The following RIMS2 variants were observed in gnomAD, a reference collection of about 807,000 sequenced individuals.
RIMS2 encodes the protein regulating synaptic membrane exocytosis protein 2.
RIMS2 carries 59 observed loss-of-function variants against 174.4 expected under a neutral mutation model. The ratio of observed to expected loss-of-function variants is 0.34; its 90% CI spans 0.27 to 0.42. The LOEUF (loss-of-function observed/expected upper bound fraction) is 0.42. RIMS2 is among the 10% of genes least tolerant of loss of function. The pLI is 1.00. For synonymous variants in RIMS2, 606 were observed against 572.5 expected (o/e 1.06, Z -0.84); for missense variants, 1,620 against 1,666.3 (o/e 0.97, Z 0.48).
At position 104,018,988 on chromosome 8, in the gene RIMS2, A is replaced by C. The variant is rs116806008; in HGVS notation, c.3334+4373A>C. Among the ~76,000 whole-genome samples, 1,181 of 152,232 alleles carry C rather than the reference A, an allele frequency of 7.8e-3. 16 individuals are homozygous for C. The highest frequency in any genetic ancestry group is 0.027 in the African/African-American group (1,114 of 41,528). On this transcript the variant is annotated intron_variant, in intron 19 of 23. Coordinates refer to ENST00000504942, the Ensembl canonical transcript of RIMS2. The stretch of plus-strand genomic sequence containing the variant: ...TTAATGTTCTTGAAAGGATTTTAAA[A>C]CTTAAAAGATCCCAGCCTGGCCAAC...
chr8:104,155,779 G>A (rs1422890989), intron 19 of RIMS2, among the ~76,000 whole-genome samples: 6 of 152,068 alleles, frequency 3.9e-5, no homozygotes, highest in African/African-American at 9.7e-5. Context: ...AGATTCTTGC[G>A]ATGAAACTGT....
chr8:103,643,472 G>A (rs535739319), intron 1 of RIMS2, among the ~76,000 whole-genome samples: 2 of 152,188 alleles, frequency 1.3e-5, no homozygotes, highest in African/African-American at 4.8e-5. Context: ...GTTATTGAAA[G>A]CTGGAGAAGG....
chr8:104,198,966 TATATAATGAA>T (rs2099039645), intron 19 of RIMS2, among the ~76,000 whole-genome samples: 1 of 152,244 alleles, frequency 6.6e-6, no homozygotes, highest in Non-Finnish European at 1.5e-5. Context: ...GTCAGTTACT[TATATAATGAA>T]TTGGACAAAG....
chr8:103,766,589 C>A, intron 3 of RIMS2, 52 bp downstream of exon 6: 1 of 1,195,222 alleles, frequency 8.4e-7, no homozygotes, highest in Non-Finnish European at 1.2e-6. Context: ...AGTCTTCATT[C>A]CAAACAGAGA....
At chr8:103,839,060 G>A (rs961068357) in intron 3 of RIMS2, among the ~76,000 whole-genome samples, 3 of 151,646 alleles carry the variant, frequency 2.0e-5, no homozygotes, top group Admixed American at 6.6e-5. Flanking sequence ...GCGACACTCC[G>A]TCTCAAAAAA....
chr8:104,187,982 C>G (rs939781621), intron 19 of RIMS2, among the ~76,000 whole-genome samples: 67 of 151,682 alleles, frequency 4.4e-4, no homozygotes, highest in African/African-American at 1.5e-3. Context: ...GTGAGAGTCT[C>G]ATGAACCCTT....
intron 19 of RIMS2, chr8:104,223,820 G>C (rs746004909): frequency 6.3e-7 from 1 of 1,579,944 alleles, no homozygotes; most frequent in South Asian, 1.1e-5. Flanking sequence ...CCCGTAGTTG[G>C]TGTCTCTATC....
chr8:103,794,261 C>T (rs1372695612), intron 3 of RIMS2, among the ~76,000 whole-genome samples: 1 of 151,892 alleles, frequency 6.6e-6, no homozygotes, highest in Non-Finnish European at 1.5e-5. Flanking sequence ...CAGAACAGAG[C>T]CCTCAGAAAG....
At chr8:103,648,450 A>G (rs1024135580) in intron 1 of RIMS2, among the ~76,000 whole-genome samples, 15 of 152,124 alleles carry the variant, frequency 9.9e-5, no homozygotes, top group African/African-American at 3.4e-4. Flanking sequence ...GTAGGTATCT[A>G]TCAGGTCCAT....
At chr8:104,213,493 C>T (rs746756784) in intron 19 of RIMS2, among the ~76,000 whole-genome samples, 23 of 152,202 alleles carry the variant, frequency 1.5e-4, no homozygotes, top group Non-Finnish European at 3.2e-4. Flanking sequence ...GAAAAGCAGT[C>T]ATTCCCGTTT....
intron 19 of RIMS2, among the ~76,000 whole-genome samples, chr8:104,062,677 T>A (rs776440182): frequency 6.6e-6 from 1 of 152,210 alleles, no homozygotes; most frequent in Non-Finnish European, 1.5e-5. Context: ...GATGATACGT[T>A]TTTATTCACT....
At chr8:104,213,215 G>A (rs991761134) in intron 19 of RIMS2, among the ~76,000 whole-genome samples, 5 of 152,136 alleles carry the variant, frequency 3.3e-5, no homozygotes, top group Non-Finnish European at 7.4e-5. Flanking sequence ...AGGAGGCTGA[G>A]GCAGGAGAAT....
chr8:103,746,869 A>G (rs1195747801), intron 2 of RIMS2, among the ~76,000 whole-genome samples: 1 of 151,802 alleles, frequency 6.6e-6, no homozygotes, highest in East Asian at 1.9e-4. Flanking sequence ...TTTAGTAGAG[A>G]CAGGGTTTCA....
At chr8:103,788,118 C>T (rs1283868462) in intron 3 of RIMS2, among the ~76,000 whole-genome samples, 6 of 150,840 alleles carry the variant, frequency 4.0e-5, no homozygotes, top group Non-Finnish European at 8.9e-5. Context: ...GTTTTCAGCT[C>T]CATCAGCCCC....
intron 19 of RIMS2, among the ~76,000 whole-genome samples, chr8:104,226,813 C>A (rs2099190660): frequency 6.6e-6 from 1 of 152,096 alleles, no homozygotes; most frequent in South Asian, 2.1e-4. Flanking sequence ...TTCCTGGAGC[C>A]CACAATTAAT....
intron 3 of RIMS2, among the ~76,000 whole-genome samples, chr8:103,831,408 G>A (rs2154479586): frequency 6.6e-6 from 1 of 152,184 alleles, no homozygotes; most frequent in Admixed American, 6.5e-5. Context: ...ACACTCATTG[G>A]AGAAAAACCA....
chr8:103,911,412 A>G (rs2075645593), intron 5 of RIMS2, among the ~76,000 whole-genome samples: 2 of 152,184 alleles, frequency 1.3e-5, no homozygotes, highest in South Asian at 4.1e-4. Flanking sequence ...GAATCATGAA[A>G]GAACCTCTGA....
rs115431276 is a variant in RIMS2 at position 103,984,306 on chromosome 8, C to T, written c.2928-4999C>T. ...ATATTTGCAAAGAAACTATCCATCTCAGAAGGGATTAATAGCCAGAATGTA... is the reference window on the plus strand; with the variant it reads ...ATATTTGCAAAGAAACTATCCATCTTAGAAGGGATTAATAGCCAGAATGTA... On this transcript the variant is annotated intron_variant, in intron 16 of 23. Coordinates refer to ENST00000504942, the Ensembl canonical transcript of RIMS2. 1.6e-3 allele frequency among the ~76,000 whole-genome samples: 248 copies of T among 152,192 alleles called. 1 individual carries two copies. Among genetic ancestry groups the T allele is most frequent in the African/African-American group, 5.5e-3 (228 of 41,526 alleles).
intron 19 of RIMS2, among the ~76,000 whole-genome samples, chr8:104,035,792 T>C (rs1356688148): frequency 6.6e-6 from 1 of 152,180 alleles, no homozygotes; most frequent in Non-Finnish European, 1.5e-5. Flanking sequence ...GGTTCTGTTC[T>C]TGGTCATTAT....
Sources: gnomAD v4.1 joint callset for allele counts (sites outside exome capture counted in the v4.1 genomes callset) on GRCh38, gnomAD v4.1.1 for gene constraint, MANE v1.5 for transcripts, NCBI Gene and HGNC (gene_info 2026-07-23, HGNC 2026-07-21) for gene names.